The following BBS9 variants were observed in gnomAD, a reference collection of about 807,000 sequenced individuals.
The protein encoded by BBS9 is Bardet-Biedl syndrome 9.
BBS9 carries 89 observed loss-of-function variants against 117.7 expected under a neutral mutation model. That is an observed-to-expected ratio of 0.76 (90% CI 0.64 to 0.90). BBS9 has a LOEUF of 0.90. Among genes scored for constraint, BBS9 ranks in the 40% least tolerant of loss-of-function variants. The probability of loss-of-function intolerance (pLI) is 0.00; values close to 1 mark genes in which losing one functional copy is unlikely to be tolerated. For synonymous variants in BBS9, 379 were observed against 370.9 expected (o/e 1.02, Z -0.25); for missense variants, 982 against 1,042.2 (o/e 0.94, Z 0.80).
chr7:33,580,514 G>T (rs1882037), intron 21 of BBS9, among the ~76,000 whole-genome samples: 152,247 of 152,248 alleles, frequency 1, 76,123 homozygotes, highest in Non-Finnish European at 1. Context: ...AATAGCCTAT[G>T]GCTTATGTTG....
At position 33,251,341 on chromosome 7, in the gene BBS9, G is replaced by A. The variant is rs561994340; in HGVS notation, c.443-5895G>A. Among the ~76,000 whole-genome samples, 4 of 152,252 alleles carry A rather than the reference G, an allele frequency of 2.6e-5. No homozygotes were observed. In the South Asian group the frequency reaches 8.3e-4, roughly 32 times the overall value. The stretch of plus-strand genomic sequence containing the variant: ...TAGGGAGTTCATTTTTCTCTCATTG[G>A]CTGTAAATTATCCCTGAACCAATCA... On this transcript the variant is annotated intron_variant, in intron 5 of 22. Transcript: ENST00000242067.
intron 1 of BBS9, among the ~76,000 whole-genome samples, chr7:33,137,686 C>T (rs370225046): frequency 2.6e-5 from 4 of 152,298 alleles, no homozygotes; most frequent in Admixed American, 1.3e-4. Context: ...GAGAGACGCA[C>T]TTGGGAAACA....
intron 5 of BBS9, among the ~76,000 whole-genome samples, chr7:33,219,053 G>C (rs1350121378): frequency 5.3e-5 from 8 of 152,184 alleles, no homozygotes; most frequent in Non-Finnish European, 1.5e-5. Flanking sequence ...TGGGCTTGGC[G>C]GGCCCCGCAC....
intron 5 of BBS9, among the ~76,000 whole-genome samples, chr7:33,179,815 A>G (rs1406902981): frequency 6.6e-6 from 1 of 152,182 alleles, no homozygotes; most frequent in African/African-American, 2.4e-5. Context: ...ACTATTATAT[A>G]GATTGCAGTG....
chr7:33,592,030 T>C (rs1213853364), intron 21 of BBS9, among the ~76,000 whole-genome samples: 1 of 152,102 alleles, frequency 6.6e-6, no homozygotes, highest in Non-Finnish European at 1.5e-5. Flanking sequence ...TTGGTGACAA[T>C]TTTGCCATTC....
chr7:33,233,665 T>A (rs7789007), intron 5 of BBS9, among the ~76,000 whole-genome samples: 46,230 of 152,104 alleles, frequency 0.3, 7,487 homozygotes, highest in Admixed American at 0.42. Flanking sequence ...GAAGAGTGTA[T>A]TTGATTTAAG....
At chr7:33,477,369 C>G in intron 19 of BBS9, among the ~76,000 whole-genome samples, 1 of 152,206 alleles carries the variant, frequency 6.6e-6, no homozygotes, top group East Asian at 1.9e-4. Context: ...AAATGTACGT[C>G]AAAGAGAAAA....
chr7:33,395,959 C>T (rs547732530), intron 19 of BBS9, among the ~76,000 whole-genome samples: 12 of 152,082 alleles, frequency 7.9e-5, no homozygotes, highest in Admixed American at 6.6e-4. Flanking sequence ...TTTCATATAA[C>T]CACTTAAGAG....
intron 11 of BBS9, 55 bp from the exon 12 acceptor site, chr7:33,344,526 C>G (rs1817239037): frequency 4.7e-6 from 7 of 1,475,538 alleles, no homozygotes; most frequent in Non-Finnish European, 6.6e-6. Flanking sequence ...TGTTCACTCA[C>G]TGCTGTGTAA....
At chr7:33,530,047 T>G (rs955375935) in intron 20 of BBS9, among the ~76,000 whole-genome samples, 1 of 152,226 alleles carries the variant, frequency 6.6e-6, no homozygotes, top group African/African-American at 2.4e-5. Context: ...TTCCACAGTT[T>G]TATTTCATAT....
intron 20 of BBS9, among the ~76,000 whole-genome samples, chr7:33,515,327 C>T (rs1330853625): frequency 1.3e-5 from 2 of 152,092 alleles, no homozygotes; most frequent in Admixed American, 6.5e-5. Context: ...GTTTGATTCC[C>T]CTAAATCATG....
At chr7:33,319,842 G>T (rs1811318695) in intron 9 of BBS9, among the ~76,000 whole-genome samples, 1 of 151,948 alleles carries the variant, frequency 6.6e-6, no homozygotes, top group African/African-American at 2.4e-5. Context: ...AATTTACAAG[G>T]AACTCAAACA....
intron 9 of BBS9, among the ~76,000 whole-genome samples, chr7:33,280,241 T>C (rs1801549730): frequency 1.3e-5 from 2 of 152,172 alleles, no homozygotes; most frequent in South Asian, 4.1e-4. Flanking sequence ...GTATATTGTG[T>C]GATGCTGAGG....
chr7:33,262,370 T>C (rs1266727980), intron 6 of BBS9, among the ~76,000 whole-genome samples: 1 of 152,178 alleles, frequency 6.6e-6, no homozygotes, highest in Non-Finnish European at 1.5e-5. Flanking sequence ...CCTTGGCAGG[T>C]TGGTTTCTGT....
intron 21 of BBS9, among the ~76,000 whole-genome samples, chr7:33,542,869 C>T (rs528972475): frequency 6.6e-6 from 1 of 150,622 alleles, no homozygotes; most frequent in East Asian, 2.0e-4. Flanking sequence ...GATTCATGGG[C>T]ATTTGGGTTG....
chr7:33,365,694 CT>C (rs1354929752), intron 16 of BBS9, among the ~76,000 whole-genome samples: 1 of 152,160 alleles, frequency 6.6e-6, no homozygotes, highest in Non-Finnish European at 1.5e-5. Context: ...TGTAAAGGGA[CT>C]TTGGTTCTGG....
chr7:33,349,007 G>T, intron 12 of BBS9, 61 bp from the exon 13 acceptor site: 1 of 1,187,880 alleles, frequency 8.4e-7, no homozygotes, highest in Non-Finnish European at 1.3e-6. Flanking sequence ...AAGTAGTTAC[G>T]ATAGTCTATC....
At chr7:33,594,607 C>T (rs1463790686) in intron 21 of BBS9, among the ~76,000 whole-genome samples, 1 of 152,082 alleles carries the variant, frequency 6.6e-6, no homozygotes, top group East Asian at 1.9e-4. Context: ...GGTTTTGCCT[C>T]TATATGACAA....
At chr7:33,404,667 A>C (rs1359140596) in intron 19 of BBS9, among the ~76,000 whole-genome samples, 6 of 149,940 alleles carry the variant, frequency 4.0e-5, no homozygotes, top group Non-Finnish European at 6.0e-5. Context: ...GTGTATAAGA[A>C]TGCTTGTGAT....
Sources: gnomAD v4.1 joint callset for allele counts (sites outside exome capture counted in the v4.1 genomes callset) on GRCh38, gnomAD v4.1.1 for gene constraint, MANE v1.5 for transcripts, NCBI Gene and HGNC (gene_info 2026-07-23, HGNC 2026-07-21) for gene names.